Variants in GDPD4 observed in about 807,000 individuals in gnomAD.
GDPD4 encodes glycerophosphodiester phosphodiesterase domain containing 4.
A neutral mutation model predicts 67.8 loss-of-function variants in GDPD4; 60 were observed. That is an observed-to-expected ratio of 0.88 (90% CI 0.72 to 1.10). The LOEUF is 1.10. Ranked by LOEUF, GDPD4 falls within the 50% of genes least tolerant of loss-of-function variation. The pLI is 0.00. For missense variants in GDPD4, 623 were observed against 613.9 expected, an observed-to-expected ratio of 1.01 and a Z score of -0.16; for synonymous variants, 212 against 210.9, an observed-to-expected ratio of 1.00 and a Z score of -0.04.
At chr11:77,298,179 C>T (rs1938040513) in intron 1 of GDPD4, among the ~76,000 whole-genome samples, 1 of 152,022 alleles carries the variant, frequency 6.6e-6, no homozygotes, top group African/African-American at 2.4e-5. Flanking sequence ...ATACATTTGC[C>T]TTCCATTTCC....
rs989974167 is a variant in GDPD4, at chr11:77,287,226, A to T, written c.-59T>A. 6.6e-6 allele frequency: 1 copy of T among 152,256 alleles called. No homozygotes were observed. The highest frequency in any genetic ancestry group is 2.4e-5 in the African/African-American group (1 of 41,472). 9.4% of individuals were successfully genotyped at this position (152,256 alleles called of 1,614,324 possible). On this transcript the variant is annotated 5_prime_UTR_variant, in exon 2 of 17. Coordinates refer to ENST00000315938, the MANE Select transcript of GDPD4 (RefSeq NM_182833.3). ...TCCTTATCAGTCTGTACCCAAGTGCAGCAACAAAATCCAACTTTAGTTTTT... is the reference window on the plus strand; with the variant it reads ...TCCTTATCAGTCTGTACCCAAGTGCTGCAACAAAATCCAACTTTAGTTTTT...
intron 16 of GDPD4, among the ~76,000 whole-genome samples, chr11:77,221,161 T>TATCA (rs1298060400): frequency 1.3e-5 from 2 of 152,196 alleles, no homozygotes; most frequent in African/African-American, 2.4e-5. Flanking sequence ...GCTAGTGGTC[T>TATCA]ATCAATTTTA....
chr11:77,257,418 TTTAAC>T (rs1348588241), intron 11 of GDPD4, among the ~76,000 whole-genome samples: 1 of 152,180 alleles, frequency 6.6e-6, no homozygotes, highest in Non-Finnish European at 1.5e-5. Flanking sequence ...TTCTAAACTC[TTTAAC>T]TTGTTATGTA....
chr11:77,271,029 A>C, intron 7 of GDPD4, 101 bp downstream of exon 7: 2 of 772,050 alleles, frequency 2.6e-6, no homozygotes, highest in Non-Finnish European at 4.4e-6. Flanking sequence ...TCAACGAGGC[A>C]TAGGGGTGGC....
At position 77,271,292 on chromosome 11, in the gene GDPD4, T is replaced by C. The variant is rs576918799; in HGVS notation, c.306+3A>G. 1 of 1,611,884 alleles carries C rather than the reference T, an allele frequency of 6.2e-7. No homozygotes were observed. Among genetic ancestry groups the C allele is most frequent in the Non-Finnish European group, 8.5e-7 (1 of 1,177,892 alleles). Reference sequence around the variant, plus strand: ...AGTGCTGGAGCTATAGGATGATGCTTACCTGCATTGACAGCCCAGCTACCA... The same window carrying C: ...AGTGCTGGAGCTATAGGATGATGCTCACCTGCATTGACAGCCCAGCTACCA... On this transcript the variant is annotated splice_donor_region_variant and intron_variant, in intron 6 of 16. Coordinates refer to ENST00000315938, the MANE Select transcript of GDPD4 (RefSeq NM_182833.3).
Position 77,271,343 on chromosome 11 carries a change from T to C in GDPD4, c.258A>G (p.Ile86Met). 1 of 1,614,028 alleles carries C rather than the reference T, an allele frequency of 6.2e-7. No individual in the cohort carries two copies. Among genetic ancestry groups the C allele is most frequent in the South Asian group, 1.1e-5 (1 of 91,086 alleles). The change falls in exon 6 of 17, where the codon ATA becomes ATG. Residue 86 changes from isoleucine to methionine, a missense_variant. Ile to Met is a conservative substitution (Grantham distance 10). Coordinates refer to ENST00000315938, the MANE Select transcript of GDPD4 (RefSeq NM_182833.3). ...ILLCVILMFIICKFWKERWLV... is the reference protein window; with the variant it reads ...ILLCVILMFIMCKFWKERWLV... ...GCCACCTTTCTTTCCAGAATTTGCA[T>C]ATAATGAACATTAAAATGACACACA...
chr11:77,293,679 C>A lies in GDPD4; in HGVS notation c.-253-6259G>T, dbSNP rs1408761257. Among the ~76,000 whole-genome samples, 5 of 151,854 alleles carry A rather than the reference C, an allele frequency of 3.3e-5. No individual in the cohort carries two copies. In the East Asian group the frequency reaches 7.7e-4, roughly 23 times the overall value. On this transcript the variant is annotated intron_variant, in intron 1 of 16. Transcript: ENST00000315938. ...AATAGATACATAAAATACTTCTGAG[C>A]AAATTCAAACTCCATTCCTGACAAA...
At chr11:77,219,209 A>G (rs1228112784) in intron 16 of GDPD4, among the ~76,000 whole-genome samples, 2 of 152,154 alleles carry the variant, frequency 1.3e-5, no homozygotes, top group Non-Finnish European at 1.5e-5. Context: ...GTGTCTGTTC[A>G]TATCCTTTGC....
intron 1 of GDPD4, among the ~76,000 whole-genome samples, chr11:77,300,026 T>C (rs1938106210): frequency 6.6e-6 from 1 of 152,200 alleles, no homozygotes; most frequent in Admixed American, 6.5e-5. Context: ...TCTAAATTTC[T>C]CTTCAAAGAA....
chr11:77,257,456 A>G (rs1959022606), intron 11 of GDPD4, among the ~76,000 whole-genome samples: 1 of 151,594 alleles, frequency 6.6e-6, no homozygotes, highest in South Asian at 2.1e-4. Context: ...ATCTCCGATC[A>G]ACATGTTTTC....
At chr11:77,289,320 A>G (rs907204047) in intron 1 of GDPD4, among the ~76,000 whole-genome samples, 2 of 150,248 alleles carry the variant, frequency 1.3e-5, no homozygotes, top group East Asian at 4.0e-4. Context: ...CCAAGATCGC[A>G]CCACTGCACT....
At chr11:77,260,721 A>G (rs953403697) in intron 10 of GDPD4, among the ~76,000 whole-genome samples, 1 of 152,216 alleles carries the variant, frequency 6.6e-6, no homozygotes, top group Non-Finnish European at 1.5e-5. Context: ...CATACAAGGT[A>G]TAAAAAACGG....
At chr11:77,251,579 G>A (rs576730287) in intron 11 of GDPD4, among the ~76,000 whole-genome samples, 4 of 152,264 alleles carry the variant, frequency 2.6e-5, no homozygotes, top group Non-Finnish European at 5.9e-5. Context: ...TCAGTCTAAT[G>A]AGAATTCCTT....
intron 16 of GDPD4, 132 bp downstream of exon 16, chr11:77,227,732 C>A: frequency 2.2e-5 from 11 of 504,154 alleles, no homozygotes; most frequent in Non-Finnish European, 2.7e-5. Flanking sequence ...TTCCCCTGGT[C>A]CCTCCCCCAA....
chr11:77,241,139 G>C (rs1160887736), intron 13 of GDPD4, among the ~76,000 whole-genome samples: 1 of 152,178 alleles, frequency 6.6e-6, no homozygotes, highest in Non-Finnish European at 1.5e-5. Flanking sequence ...CATGTTCATT[G>C]CAACACTATT....
At chr11:77,241,667 T>G (rs1958668484) in intron 13 of GDPD4, among the ~76,000 whole-genome samples, 6 of 104,756 alleles carry the variant, frequency 5.7e-5, no homozygotes, top group East Asian at 5.8e-4. Context: ...AAAAAAGGCC[T>G]GGCACAGTGG....
At chr11:77,219,010 G>A (rs1339656122) in intron 16 of GDPD4, among the ~76,000 whole-genome samples, 3 of 152,210 alleles carry the variant, frequency 2.0e-5, no homozygotes, top group Non-Finnish European at 4.4e-5. Flanking sequence ...CCTACCAACA[G>A]TGTAAAAGTG....
chr11:77,256,257 C>T (rs1959002252), intron 11 of GDPD4, among the ~76,000 whole-genome samples: 1 of 152,126 alleles, frequency 6.6e-6, no homozygotes, highest in Non-Finnish European at 1.5e-5. Flanking sequence ...CACACCTTTG[C>T]CAAAATATTA....
chr11:77,300,131 T>C (rs950659332), intron 1 of GDPD4, among the ~76,000 whole-genome samples: 4 of 143,288 alleles, frequency 2.8e-5, no homozygotes, highest in Non-Finnish European at 5.9e-5. Context: ...TGACTCATTC[T>C]GATTACCAGC....
Sources: gnomAD v4.1 joint callset for allele counts (sites outside exome capture counted in the v4.1 genomes callset) on GRCh38, gnomAD v4.1.1 for gene constraint, MANE v1.5 for transcripts, NCBI Gene and HGNC (gene_info 2026-07-23, HGNC 2026-07-21) for gene names.